PCYT1A: variants seen among roughly 807,000 people sequenced by gnomAD.
The protein encoded by PCYT1A is phosphate cytidylyltransferase 1A, choline, also known as choline-phosphate cytidylyltransferase A.
Under a neutral mutation model 43.7 loss-of-function variants are expected in PCYT1A, and 25 were observed. The observed-to-expected ratio is 0.57, with a 90% CI of 0.42 to 0.80. The LOEUF (loss-of-function observed/expected upper bound fraction) is 0.80, where lower values mean the gene tolerates loss of function less well. Among genes scored for constraint, PCYT1A ranks in the 30% least tolerant of loss-of-function variants. The pLI is 0.00. For missense variants in PCYT1A, 421 were observed against 474.2 expected (o/e 0.89, Z 1.04); for synonymous variants, 172 against 170.7 (o/e 1.01, Z -0.06).
chr3:196,258,058 G>A (rs1725000271), intron 2 of PCYT1A, among the ~76,000 whole-genome samples, 171 bp from the exon 3 acceptor site: 1 of 152,098 alleles, frequency 6.6e-6, no homozygotes, highest in African/African-American at 2.4e-5. Context: ...AGGCCGAGGT[G>A]GGTGGATCAT....
At chr3:196,281,880 G>C (rs926431346) in intron 1 of PCYT1A, among the ~76,000 whole-genome samples, 4 of 152,092 alleles carry the variant, frequency 2.6e-5, no homozygotes, top group African/African-American at 9.7e-5. Flanking sequence ...TGTAGAGATG[G>C]GGGTCTCACT....
intron 2 of PCYT1A, among the ~76,000 whole-genome samples, chr3:196,262,993 C>T (rs185057575): frequency 3.3e-5 from 5 of 152,114 alleles, no homozygotes; most frequent in Admixed American, 6.6e-5. Flanking sequence ...CAGGGTTTCG[C>T]GATGTTGGCC....
At position 196,270,474 on chromosome 3, in the gene PCYT1A, C is replaced by G. The variant is rs142952629; in HGVS notation, c.58G>C (p.Gly20Arg). 431 of 1,614,160 alleles carry G rather than the reference C, an allele frequency of 2.7e-4. 3 individuals are homozygous for G. In the East Asian group the frequency reaches 8.5e-3, roughly 32 times the overall value. The stretch of plus-strand genomic sequence containing the variant: ...TCTTCTTCTGTTGCCCCGTTGGGTC[C>G]GGGCGCCTCTTTTCTCCTCTTCCTT... ...NARKRRKEAPGPNGATEEDGV... is the reference protein window; with the variant it reads ...NARKRRKEAPRPNGATEEDGV... The change falls in exon 2 of 9, where the codon GGA (glycine) becomes CGA (arginine). Residue 20 changes from glycine to arginine, a missense_variant. Physicochemically the swap from Gly to Arg is moderately radical, Grantham distance 125. This residue lies in a region of PCYT1A where 139 missense variants were observed against 117.7 expected (regional missense o/e 1.18). Coordinates refer to ENST00000431016, the MANE Select transcript of PCYT1A (RefSeq NM_001312673.2).
chr3:196,259,095 G>A (rs138125314), intron 2 of PCYT1A, among the ~76,000 whole-genome samples: 2,115 of 152,206 alleles, frequency 0.014, 30 homozygotes, highest in Non-Finnish European at 0.02. Flanking sequence ...ATAGCTCTCT[G>A]CAGCCTCCAA....
intron 5 of PCYT1A, among the ~76,000 whole-genome samples, chr3:196,245,813 TGGTGGCG>T (rs1177159335): frequency 6.6e-6 from 1 of 152,016 alleles, no homozygotes; most frequent in Non-Finnish European, 1.5e-5. Flanking sequence ...TAGCCGGGCA[TGGTGGCG>T]CGCACCTGTA....
chr3:196,261,789 CAAAA>C (rs72143123), intron 2 of PCYT1A, among the ~76,000 whole-genome samples: 1 of 126,326 alleles, frequency 7.9e-6, no homozygotes. Flanking sequence ...AACTCCATCT[CAAAA>C]AAAAAAAAAA....
At position 196,287,605 on chromosome 3, in the gene PCYT1A, A is replaced by T. The variant is rs1024398448; in HGVS notation, c.-11+10T>A. The stretch of plus-strand genomic sequence containing the variant: ...TCCTCTCAAACAGAGACGCAAAGAT[A>T]GGCACACACCTGCAACTCACGCTCC... On this transcript the variant is annotated intron_variant, in intron 1 of 8. Coordinates refer to ENST00000431016, the MANE Select transcript of PCYT1A (RefSeq NM_001312673.2). 4.6e-5 allele frequency: 7 copies of T among 152,274 alleles called. No homozygotes were observed. The highest frequency in any genetic ancestry group is 7.2e-5 in the African/African-American group (3 of 41,380). The allele number at this position is 152,274 out of a possible 1,614,324, so 9.4% of individuals were successfully genotyped here. A position where few individuals can be genotyped will look rare whatever the true frequency, so the allele number is the denominator to read the frequency against.
chr3:196,261,154 G>A (rs1166864507), intron 2 of PCYT1A, among the ~76,000 whole-genome samples: 3 of 152,220 alleles, frequency 2.0e-5, no homozygotes, highest in Non-Finnish European at 2.9e-5. Context: ...ACAGAAAGCA[G>A]ATTAGTGGTT....
chr3:196,282,498 T>C lies in PCYT1A; in HGVS notation c.-11+5117A>G, dbSNP rs1577379190. On this transcript the variant is annotated intron_variant, in intron 1 of 8. Transcript: ENST00000431016. The surrounding 1 kb of genome is among the most constrained non-coding windows in gnomAD (Gnocchi z 4.3). Reference sequence around the variant, plus strand: ...TTTATTTTCACTTCAGTGATGAACATAAGCTACAGCAGTAATAGCAGACTT... The same window carrying C: ...TTTATTTTCACTTCAGTGATGAACACAAGCTACAGCAGTAATAGCAGACTT... Among the ~76,000 whole-genome samples the C allele has an allele frequency of 6.6e-6, 1 of 152,190 alleles. No individual in the cohort carries two copies. Among genetic ancestry groups the C allele is most frequent in the Non-Finnish European group, 1.5e-5 (1 of 68,020 alleles).
intron 1 of PCYT1A, among the ~76,000 whole-genome samples, chr3:196,286,866 A>G (rs569943412): frequency 6.6e-6 from 1 of 152,376 alleles, no homozygotes; most frequent in African/African-American, 2.4e-5. Context: ...GTGAGCTGAG[A>G]TCGCGCCACT....
chr3:196,241,383 G>A (rs180852330), intron 7 of PCYT1A: 9 of 418,206 alleles, frequency 2.2e-5, no homozygotes, highest in East Asian at 1.4e-4. Flanking sequence ...ATGGGGTCTC[G>A]CTATGTTGCC....
chr3:196,236,466 A>C lies in PCYT1A; in HGVS notation c.*2222T>G, dbSNP rs976755905. 3.3e-5 allele frequency: 5 copies of C among 152,262 alleles called. No homozygotes were observed. The highest frequency in any genetic ancestry group is 1.2e-4 in the African/African-American group (5 of 41,462). The allele number at this position is 152,262 out of a possible 1,614,324, so 9.4% of individuals were successfully genotyped here. ...AACTTCAGCTGTTTCAAAGACAGAC[A>C]GGATTCCAAGCCAAAGCTTGTATGA... On this transcript the variant is annotated 3_prime_UTR_variant, in exon 9 of 9. Transcript: ENST00000431016.
intron 2 of PCYT1A, among the ~76,000 whole-genome samples, chr3:196,265,935 C>T (rs1725256787): frequency 6.6e-6 from 1 of 151,086 alleles, no homozygotes; most frequent in African/African-American, 2.4e-5. Flanking sequence ...GACGAGGTTT[C>T]GTCATGTTGG....
At chr3:196,265,032 T>G (rs922267772) in intron 2 of PCYT1A, among the ~76,000 whole-genome samples, 3 of 151,566 alleles carry the variant, frequency 2.0e-5, no homozygotes, top group Admixed American at 6.6e-5. Flanking sequence ...TGTAAGTTAT[T>G]TTATTTTATT....
chr3:196,268,063 C>A lies in PCYT1A; in HGVS notation c.117+2352G>T, dbSNP rs904973526. Among the ~76,000 whole-genome samples, 2 of 151,658 alleles carry A rather than the reference C, an allele frequency of 1.3e-5. No homozygotes were observed. The highest frequency in any genetic ancestry group is 1.3e-4 in the Admixed American group (2 of 15,206). On this transcript the variant is annotated intron_variant, in intron 2 of 8. Coordinates refer to ENST00000431016, the MANE Select transcript of PCYT1A (RefSeq NM_001312673.2). This position sits in a 1 kb window ranked among gnomAD's most constrained non-coding sequence, Gnocchi z 4.4. ...GAATAGGTAGCAGCAAGTCACTGAA[C>A]TGATTTCACATGAATATATGAAGCA...
In PCYT1A at chr3:196,268,042, A is replaced by G. The variant is rs1226246630; in HGVS notation, c.117+2373T>C. On this transcript the variant is annotated intron_variant, in intron 2 of 8. Coordinates refer to ENST00000431016, the MANE Select transcript of PCYT1A (RefSeq NM_001312673.2). This position sits in a 1 kb window ranked among gnomAD's most constrained non-coding sequence, Gnocchi z 4.4. ...TGTGTTTCAGGGAGGAATGTGGAATAGGTAGCAGCAAGTCACTGAACTGAT... is the reference window on the plus strand; with the variant it reads ...TGTGTTTCAGGGAGGAATGTGGAATGGGTAGCAGCAAGTCACTGAACTGAT... Among the ~76,000 whole-genome samples, 2 of 152,150 alleles carry G rather than the reference A, an allele frequency of 1.3e-5. No individual in the cohort carries two copies. The highest frequency in any genetic ancestry group is 2.9e-5 in the Non-Finnish European group (2 of 68,022).
intron 2 of PCYT1A, among the ~76,000 whole-genome samples, chr3:196,262,834 G>A (rs1235185851): frequency 5.7e-5 from 8 of 140,830 alleles, no homozygotes; most frequent in African/African-American, 1.6e-4. Flanking sequence ...TCACCCTGTC[G>A]CCCAGGCTAG....
At position 196,238,357 on chromosome 3, in the gene PCYT1A, T is replaced by C. The variant is rs1724232599; in HGVS notation, c.*331A>G. 5.5e-6 allele frequency: 1 copy of C among 181,880 alleles called. No homozygotes were observed. The highest frequency in any genetic ancestry group is 1.9e-4 in the South Asian group (1 of 5,134). 11.3% of individuals were successfully genotyped at this position (181,880 alleles called of 1,614,324 possible). On this transcript the variant is annotated 3_prime_UTR_variant, in exon 9 of 9. Transcript: ENST00000431016. ...TCAGGGGCAAAAAATTAGTTCTACATTTGAAAGACGAATTTTTTAAAAAAT... is the reference window on the plus strand; with the variant it reads ...TCAGGGGCAAAAAATTAGTTCTACACTTGAAAGACGAATTTTTTAAAAAAT...
In PCYT1A at chr3:196,257,812, C is replaced by T. The variant is rs1210245046; in HGVS notation, c.193G>A (p.Glu65Lys). Residue 65 changes from glutamate (E) to lysine (K), a missense_variant, in exon 3 of 9, where the codon GAA becomes AAA. This residue lies in a region of PCYT1A where 139 missense variants were observed against 117.7 expected (regional missense o/e 1.18). Coordinates refer to ENST00000431016, the MANE Select transcript of PCYT1A (RefSeq NM_001312673.2). Reference protein sequence around the residue: ...FSKPYVRVTMEEASRGTPCER... With the variant: ...FSKPYVRVTMKEASRGTPCER... Reference sequence around the variant, plus strand: ...CAAGGAGTTCCTCTGCTGGCTTCTTCCATAGTTACCCTGACATAGGGCTTA... The same window carrying T: ...CAAGGAGTTCCTCTGCTGGCTTCTTTCATAGTTACCCTGACATAGGGCTTA... The T allele has an allele frequency of 8.7e-6, 14 of 1,609,554 alleles. No homozygotes were observed. Among genetic ancestry groups the T allele is most frequent in the Non-Finnish European group, 1.2e-5 (14 of 1,176,088 alleles).
Sources: allele counts gnomAD v4.1 joint callset (sites outside exome capture counted in the v4.1 genomes callset), GRCh38; gene constraint gnomAD v4.1.1; regional missense constraint gnomAD v4.1.1; non-coding constraint Gnocchi (gnomAD v3.1); transcripts MANE v1.5; gene names NCBI Gene and HGNC (gene_info 2026-07-23, HGNC 2026-07-21).